Variants in LIFR observed in about 807,000 individuals in gnomAD.
The protein encoded by LIFR is leukemia inhibitory factor receptor.
In LIFR, 84 loss-of-function variants were observed where a neutral mutation model predicts 122.2. The ratio of observed to expected loss-of-function variants is 0.69; its 90% CI spans 0.58 to 0.82. The LOEUF (loss-of-function observed/expected upper bound fraction) is 0.82. Ranked by LOEUF, LIFR falls within the 40% of genes least tolerant of loss-of-function variation. The probability of loss-of-function intolerance (pLI) is 0.00; values close to 1 mark genes in which losing one functional copy is unlikely to be tolerated. For synonymous variants in LIFR, 422 were observed against 434.7 expected, an observed-to-expected ratio of 0.97 and a Z score of 0.36; for missense variants, 1,294 against 1,311.6, an observed-to-expected ratio of 0.99 and a Z score of 0.21.
chr5:38,599,286 G>A (rs1386863278), upstream of LIFR, among the ~76,000 whole-genome samples: 1 of 152,212 alleles, frequency 6.6e-6, no homozygotes, highest in Non-Finnish European at 1.5e-5. Context: ...TTGCCTTAAA[G>A]TCCTAGAGCT....
chr5:38,558,270 CATG>C (rs1306720787), upstream of LIFR: 1 of 152,064 alleles, frequency 6.6e-6, no homozygotes, highest in Non-Finnish European at 1.5e-5. Flanking sequence ...CCAAGAAAAA[CATG>C]ATGTGGCCCT....
At chr5:38,537,804 T>C (rs1747371970) in intron 1 of LIFR, among the ~76,000 whole-genome samples, 1 of 152,204 alleles carries the variant, frequency 6.6e-6, no homozygotes, top group Non-Finnish European at 1.5e-5. Context: ...CTTTTTCTAA[T>C]TGGGCATTAA....
chr5:38,525,229 T>C (rs189424669), intron 4 of LIFR, among the ~76,000 whole-genome samples: 45 of 152,318 alleles, frequency 3.0e-4, no homozygotes, highest in Non-Finnish European at 5.7e-4. Context: ...CTATGAAATG[T>C]AGACTTTCTG....
chr5:38,493,660 G>GGCA lies in LIFR; in HGVS notation c.2008_2010dup (p.Cys670dup). 2 of 1,614,144 alleles carry GGCA rather than the reference G, an allele frequency of 1.2e-6. No individual in the cohort carries two copies. Among genetic ancestry groups the GGCA allele is most frequent in the South Asian group, 1.1e-5 (1 of 91,076 alleles). On this transcript the variant is annotated inframe_insertion, in exon 14 of 20. Transcript: ENST00000453190. Reference sequence around the variant, plus strand: ...GAGGGAACTTTTCTCCAGTCCATAAGGCATGGTTCCGACCGAGACGAGTTA... The same window carrying GGCA: ...GAGGGAACTTTTCTCCAGTCCATAAGGCAGCATGGTTCCGACCGAGACGAGTTA...
At chr5:38,606,363 CAG>C (rs1193969595) in intron 1 of LIFR, 1 of 152,246 alleles carries the variant, frequency 6.6e-6, no homozygotes, top group East Asian at 1.9e-4. Context: ...AAGAGAGAGA[CAG>C]AGAGACGGTT....
intron 18 of LIFR, among the ~76,000 whole-genome samples, chr5:38,483,379 G>T (rs1356514664): frequency 2.6e-5 from 4 of 151,830 alleles, no homozygotes; most frequent in Non-Finnish European, 4.4e-5. Flanking sequence ...TTCTTATTTT[G>T]TCTTTTTTTT....
At chr5:38,554,789 A>G (rs1180185296) in intron 1 of LIFR, among the ~76,000 whole-genome samples, 2 of 152,216 alleles carry the variant, frequency 1.3e-5, no homozygotes, top group Non-Finnish European at 2.9e-5. Context: ...ATATCTATTG[A>G]ATCTTCTCCA....
chr5:38,506,878 T>C lies in LIFR; in HGVS notation c.992-246A>G, dbSNP rs73749259. 0.018 allele frequency among the ~76,000 whole-genome samples: 2,730 copies of C among 152,322 alleles called. 70 individuals carry two copies. The highest frequency in any genetic ancestry group is 0.063 in the African/African-American group (2,613 of 41,566). On this transcript the variant is annotated intron_variant, in intron 7 of 19. Transcript: ENST00000453190. Reference sequence around the variant, plus strand: ...TCTTAGCTCATCTGGAAACTCCCTGTAGCAACTTGAAATATCAGTTGTCAC... The same window carrying C: ...TCTTAGCTCATCTGGAAACTCCCTGCAGCAACTTGAAATATCAGTTGTCAC...
chr5:38,545,236 C>T (rs1384436296), intron 1 of LIFR, among the ~76,000 whole-genome samples: 1 of 151,484 alleles, frequency 6.6e-6, no homozygotes, highest in Non-Finnish European at 1.5e-5. Flanking sequence ...CGCCATTGCA[C>T]TCCAGCCTGG....
At chr5:38,596,030 C>T (rs1580248234), upstream of LIFR, among the ~76,000 whole-genome samples, 1 of 152,298 alleles carries the variant, frequency 6.6e-6, no homozygotes, top group East Asian at 1.9e-4. Context: ...GCCACCGCGC[C>T]CGGCCCACAA....
chr5:38,541,216 A>G (rs991948664), intron 1 of LIFR, among the ~76,000 whole-genome samples: 17 of 152,340 alleles, frequency 1.1e-4, no homozygotes, highest in African/African-American at 4.1e-4. Flanking sequence ...AAAACATAAC[A>G]GCACCTAAAA....
chr5:38,556,036 G>A (rs1307736156), intron 1 of LIFR, among the ~76,000 whole-genome samples: 6 of 152,196 alleles, frequency 3.9e-5, no homozygotes, highest in African/African-American at 7.2e-5. Context: ...CCTCTCCGAA[G>A]GAAAAACATT....
intron 4 of LIFR, among the ~76,000 whole-genome samples, chr5:38,526,222 T>C (rs1449412796): frequency 6.6e-6 from 1 of 152,238 alleles, no homozygotes; most frequent in Non-Finnish European, 1.5e-5. Flanking sequence ...CTAATGCTAA[T>C]TCAGCTTTAC....
chr5:38,592,087 T>C (rs192563219), intron 1 of LIFR, among the ~76,000 whole-genome samples: 14 of 152,268 alleles, frequency 9.2e-5, no homozygotes, highest in Admixed American at 5.9e-4. Flanking sequence ...TTAATTTCTT[T>C]TGGTGTTATT....
At chr5:38,593,756 G>A (rs769968081) in intron 1 of LIFR, among the ~76,000 whole-genome samples, 20 of 152,118 alleles carry the variant, frequency 1.3e-4, no homozygotes, top group Non-Finnish European at 2.4e-4. Context: ...TGAGATTAGT[G>A]CCCTTATAAA....
chr5:38,544,181 T>A (rs1297153542), intron 1 of LIFR, among the ~76,000 whole-genome samples: 3 of 152,142 alleles, frequency 2.0e-5, no homozygotes, highest in Non-Finnish European at 4.4e-5. Flanking sequence ...TAAGAGCCTC[T>A]GAAGTGGTCC....
At chr5:38,498,374 T>C (rs1006305448) in intron 12 of LIFR, among the ~76,000 whole-genome samples, 2 of 152,198 alleles carry the variant, frequency 1.3e-5, no homozygotes, top group Admixed American at 1.3e-4. Context: ...GCTCCATCCC[T>C]GGCCCACTTT....
intron 1 of LIFR, among the ~76,000 whole-genome samples, chr5:38,593,548 G>A (rs1749999159): frequency 6.6e-6 from 1 of 152,182 alleles, no homozygotes. Context: ...AGACAGGGCT[G>A]ACATAGAAGA....
At chr5:38,492,037 T>C (rs369777023) in intron 14 of LIFR, among the ~76,000 whole-genome samples, 1 of 152,026 alleles carries the variant, frequency 6.6e-6, no homozygotes, top group East Asian at 1.9e-4. Context: ...GCTTAATGAG[T>C]AGAGAACAGG....
Sources: gnomAD v4.1 joint callset for allele counts (sites outside exome capture counted in the v4.1 genomes callset) on GRCh38, gnomAD v4.1.1 for gene constraint, MANE v1.5 for transcripts, NCBI Gene and HGNC (gene_info 2026-07-23, HGNC 2026-07-21) for gene names.